ANKS1A: variants seen among roughly 807,000 people sequenced by gnomAD.
ANKS1A encodes ankyrin repeat and sterile alpha motif domain containing 1A, also known as ankyrin repeat and SAM domain-containing protein 1A.
In ANKS1A, 55 loss-of-function variants were observed where a neutral mutation model predicts 120.3. That is an observed-to-expected ratio of 0.46 (90% confidence interval 0.37 to 0.57). ANKS1A has a LOEUF of 0.57. Ranked by LOEUF, ANKS1A falls within the 20% of genes least tolerant of loss-of-function variation. The pLI is 0.00. For synonymous variants in ANKS1A, 590 were observed against 604.7 expected (o/e 0.98, Z 0.36); for missense variants, 1,123 against 1,480.3 (o/e 0.76, Z 3.96).
intron 13 of ANKS1A, among the ~76,000 whole-genome samples, chr6:35,071,675 C>T (rs1411139201): frequency 6.6e-6 from 1 of 152,222 alleles, no homozygotes; most frequent in Non-Finnish European, 1.5e-5. Flanking sequence ...TGCTGTCTGG[C>T]AGAGCCACAC....
chr6:35,056,112 A>G (rs906096227), intron 12 of ANKS1A, among the ~76,000 whole-genome samples: 11 of 152,186 alleles, frequency 7.2e-5, no homozygotes, highest in African/African-American at 2.4e-4. Context: ...TCACTTGCAT[A>G]TGCTTGAGAG....
chr6:35,070,559 G>A (rs910228739), intron 13 of ANKS1A, among the ~76,000 whole-genome samples: 10 of 142,156 alleles, frequency 7.0e-5, no homozygotes, highest in East Asian at 2.2e-4. Context: ...GTACAACCTC[G>A]GCTCACTGCA....
Position 34,950,438 on chromosome 6 carries a change from G to A in ANKS1A, c.198-16801G>A, listed in dbSNP as rs148929754. Among the ~76,000 whole-genome samples, 33 of 151,814 alleles carry A rather than the reference G, an allele frequency of 2.2e-4. 2 individuals carry two copies. In the East Asian group the frequency reaches 5.0e-3, roughly 23 times the overall value. ...GAGACGGGGTTTCACCATGTTGGCC[G>A]GGCTGGTCTTGAACTCCTGACCTCA... On this transcript the variant is annotated intron_variant, in intron 1 of 23. Transcript: ENST00000360359.
intron 14 of ANKS1A, 115 bp downstream of exon 14, chr6:35,078,771 A>T (rs820101): frequency 7.3e-6 from 7 of 952,576 alleles, no homozygotes; most frequent in Non-Finnish European, 1.1e-5. Context: ...ACATCATAGC[A>T]GGACCTCTAC....
intron 11 of ANKS1A, among the ~76,000 whole-genome samples, chr6:35,034,041 A>G (rs1422278833): frequency 6.6e-6 from 1 of 152,176 alleles, no homozygotes; most frequent in Non-Finnish European, 1.5e-5. Flanking sequence ...GCATTATGAG[A>G]ACATAATGTT....
chr6:35,020,713 A>G (rs1168579559), intron 11 of ANKS1A, among the ~76,000 whole-genome samples: 1 of 152,178 alleles, frequency 6.6e-6, no homozygotes, highest in African/African-American at 2.4e-5. Context: ...ACCTGGGCAA[A>G]GCTGGGCTTA....
intron 1 of ANKS1A, among the ~76,000 whole-genome samples, chr6:34,900,764 T>A (rs1047498830): frequency 6.6e-6 from 1 of 152,080 alleles, no homozygotes; most frequent in Admixed American, 6.6e-5. Context: ...ATTATGCAAC[T>A]GGGACTTCTT....
At chr6:34,987,330 A>G (rs1772265109) in intron 8 of ANKS1A, among the ~76,000 whole-genome samples, 1 of 152,150 alleles carries the variant, frequency 6.6e-6, no homozygotes, top group Non-Finnish European at 1.5e-5. Context: ...AAAAGCTTCC[A>G]TATTGTTCTT....
chr6:34,997,443 G>A (rs573431073), intron 10 of ANKS1A, among the ~76,000 whole-genome samples: 16 of 152,068 alleles, frequency 1.1e-4, no homozygotes, highest in African/African-American at 3.6e-4. Flanking sequence ...TGATCCACCC[G>A]CCTCAGCCTC....
rs79986657 is a variant in ANKS1A at position 34,954,169 on chromosome 6, G to A, written c.198-13070G>A. ...GTCCTGTCCGTGTTCATATTGGAAT[G>A]ACAATTTCACACTGTACTCATTCAT... On this transcript the variant is annotated intron_variant, in intron 1 of 23. Transcript: ENST00000360359. Among the ~76,000 whole-genome samples, 43 of 152,334 alleles carry A rather than the reference G, an allele frequency of 2.8e-4. No individual in the cohort carries two copies. In the East Asian group the frequency reaches 7.7e-3, roughly 27 times the overall value.
intron 11 of ANKS1A, among the ~76,000 whole-genome samples, chr6:35,036,366 A>G (rs556283584): frequency 5.3e-5 from 8 of 152,208 alleles, no homozygotes; most frequent in Non-Finnish European, 8.8e-5. Context: ...GTTGGTTTTC[A>G]TTGTAAAACA....
intron 1 of ANKS1A, among the ~76,000 whole-genome samples, chr6:34,953,787 C>G (rs766286213): frequency 1.3e-5 from 2 of 152,102 alleles, no homozygotes; most frequent in Non-Finnish European, 1.5e-5. Flanking sequence ...GGCACAGTGC[C>G]TGTTGTCATG....
At chr6:34,991,684 A>G (rs1405976036) in intron 9 of ANKS1A, among the ~76,000 whole-genome samples, 3 of 14,448 alleles carry the variant, frequency 2.1e-4, no homozygotes, top group African/African-American at 2.7e-4. Flanking sequence ...ATATATATAC[A>G]TATATACACA....
At chr6:35,068,744 G>A (rs1271740796) in intron 13 of ANKS1A, among the ~76,000 whole-genome samples, 8 of 152,136 alleles carry the variant, frequency 5.3e-5, no homozygotes, top group Non-Finnish European at 2.9e-5. Context: ...GCTCTGTCTC[G>A]TTTCTTCTCT....
intron 11 of ANKS1A, among the ~76,000 whole-genome samples, chr6:35,025,639 TTTC>T (rs1226380564): frequency 1.3e-5 from 2 of 152,202 alleles, no homozygotes; most frequent in East Asian, 3.9e-4. Context: ...TTTCTCCCCT[TTTC>T]TTCTATGCTT....
Position 35,085,751 on chromosome 6 carries a change from T to A in ANKS1A, c.3133-15T>A. The A allele has an allele frequency of 6.4e-7, 1 of 1,566,912 alleles. No individual in the cohort carries two copies. The highest frequency in any genetic ancestry group is 1.2e-5 in the South Asian group (1 of 84,146). On this transcript the variant is annotated splice_polypyrimidine_tract_variant and intron_variant, in intron 21 of 23. Coordinates refer to ENST00000360359, the MANE Select transcript of ANKS1A (RefSeq NM_015245.3). The surrounding 1 kb of genome is among the most constrained non-coding windows in gnomAD (Gnocchi z 4.7). ...CCTGAACCAGGTGCTTAAGTGGTGATCTGCTTCCTCCCAGAACCTGACCTA... is the reference window on the plus strand; with the variant it reads ...CCTGAACCAGGTGCTTAAGTGGTGAACTGCTTCCTCCCAGAACCTGACCTA...
At chr6:34,980,484 A>G (rs921513664) in intron 3 of ANKS1A, among the ~76,000 whole-genome samples, 12 of 152,248 alleles carry the variant, frequency 7.9e-5, no homozygotes, top group African/African-American at 2.2e-4. Flanking sequence ...GGAATTGCAT[A>G]TGCATGTTTG....
intron 11 of ANKS1A, among the ~76,000 whole-genome samples, chr6:35,036,269 A>T (rs1033871727): frequency 1.1e-4 from 17 of 152,220 alleles, no homozygotes; most frequent in Non-Finnish European, 2.1e-4. Context: ...AGTTGGCCTG[A>T]TGGGGCATCT....
Position 34,981,957 on chromosome 6 carries a change from C to T in ANKS1A, c.703C>T (p.Leu235Phe). ...CCACAAAGCCGTGGTCCAGGTCCTC[C>T]TCGATGCTGGCATGGACAGCAACTA... ...NGHKAVVQVL[L>F]DAGMDSNYQT... The change falls in exon 4 of 24, where the codon CTC becomes TTC. Residue 235 changes from leucine to phenylalanine, a missense_variant. By Grantham distance (22) the Leu-to-Phe change is conservative. This residue lies in a region of ANKS1A where 146 missense variants were observed against 267.8 expected (regional missense o/e 0.55). Transcript: ENST00000360359. 6.2e-7 allele frequency: 1 copy of T among 1,614,142 alleles called. No homozygotes were observed. The highest frequency in any genetic ancestry group is 8.5e-7 in the Non-Finnish European group (1 of 1,180,008).
Sources: allele counts gnomAD v4.1 joint callset (sites outside exome capture counted in the v4.1 genomes callset), GRCh38; gene constraint gnomAD v4.1.1; regional missense constraint gnomAD v4.1.1; non-coding constraint Gnocchi (gnomAD v3.1); transcripts MANE v1.5; gene names NCBI Gene and HGNC (gene_info 2026-07-23, HGNC 2026-07-21).